Variants in AKNAD1 observed in about 807,000 individuals in gnomAD.
AKNAD1 encodes AKNA domain containing 1, also known as protein AKNAD1.
AKNAD1 carries 67 observed loss-of-function variants against 90.8 expected under a neutral mutation model. The observed-to-expected ratio is 0.74, with a 90% CI of 0.61 to 0.90. AKNAD1 has a LOEUF of 0.90. Among genes scored for constraint, AKNAD1 ranks in the 40% least tolerant of loss-of-function variants. The pLI, the probability that AKNAD1 is intolerant of heterozygous loss-of-function variation, is 0.00. For missense variants in AKNAD1, 957 were observed against 975.4 expected (o/e 0.98, Z 0.25); for synonymous variants, 327 against 341.4 (o/e 0.96, Z 0.46).
At position 108,830,548 on chromosome 1, in the gene AKNAD1, G is replaced by T; in HGVS notation, c.1838+11C>A. ...ATCCACCCTGGGAATGTAGCCACAA[G>T]AAGCCCTCACCATTCAAGGAGCCTG... is the stretch of plus-strand genomic sequence containing the variant. On this transcript the variant is annotated intron_variant, in intron 10 of 15. Coordinates refer to ENST00000370001, the MANE Select transcript of AKNAD1 (RefSeq NM_152763.5). 6.2e-7 allele frequency: 1 copy of T among 1,613,500 alleles called. No homozygotes were observed. The highest frequency in any genetic ancestry group is 8.5e-7 in the Non-Finnish European group (1 of 1,179,784).
chr1:108,832,000 T>C (rs1664214319), intron 9 of AKNAD1, among the ~76,000 whole-genome samples: 1 of 152,074 alleles, frequency 6.6e-6, no homozygotes, highest in Admixed American at 6.6e-5. Context: ...GTTTCAGTGT[T>C]TTCCTGTTAC....
intron 5 of AKNAD1, among the ~76,000 whole-genome samples, chr1:108,844,815 T>C (rs1225448490): frequency 7.4e-6 from 1 of 134,786 alleles, no homozygotes; most frequent in Non-Finnish European, 1.6e-5. Context: ...AGATTATTAA[T>C]TCTTTTTTTT....
chr1:108,825,239 C>T (rs1488689066), intron 11 of AKNAD1, among the ~76,000 whole-genome samples: 4 of 151,638 alleles, frequency 2.6e-5, no homozygotes, highest in Admixed American at 1.3e-4. Flanking sequence ...CTAAAGTGCT[C>T]CCAAATTCCT....
intron 6 of AKNAD1, among the ~76,000 whole-genome samples, chr1:108,840,413 G>A (rs1664516909): frequency 1.3e-5 from 2 of 152,136 alleles, no homozygotes; most frequent in Admixed American, 6.5e-5. Flanking sequence ...AAGAAAACGT[G>A]ATGGGAATAC....
At chr1:108,837,285 G>T (rs1664415033) in intron 7 of AKNAD1, 1 of 330,496 alleles carries the variant, frequency 3.0e-6, no homozygotes, top group Non-Finnish European at 5.4e-6. Context: ...TAATTTGGAA[G>T]AAATAGCTCT....
At chr1:108,839,444 G>T (rs1033737896) in intron 6 of AKNAD1, among the ~76,000 whole-genome samples, 1 of 116,840 alleles carries the variant, frequency 8.6e-6, no homozygotes, top group Non-Finnish European at 1.7e-5. Context: ...CTGCACTCCA[G>T]CCTGGAGGAG....
chr1:108,827,148 G>T, intron 11 of AKNAD1, 57 bp downstream of exon 11: 1 of 1,316,532 alleles, frequency 7.6e-7, no homozygotes, highest in South Asian at 1.2e-5. Context: ...ACTGCGAGCA[G>T]ACCCCATGGG....
Position 108,852,473 on chromosome 1 carries a change from A to G in AKNAD1, c.192T>C (p.Cys64=), listed in dbSNP as rs766501468. 1 of 1,613,800 alleles carries G rather than the reference A, an allele frequency of 6.2e-7. No individual in the cohort carries two copies. The highest frequency in any genetic ancestry group is 1.7e-5 in the Admixed American group (1 of 59,920). ...GGGGTATGGTCACAGCTGTATTTCC[A>G]CAAGTCTCACTATGCATAGCCTTCT... ...PQEKAMHSET[C]GNTAVTIPLG... The change falls in exon 2 of 16, where the codon TGT becomes TGC. Residue 64 remains cysteine, a synonymous_variant. Transcript: ENST00000370001.
rs1413454883 is a variant in AKNAD1, at chr1:108,830,790, A to G, written c.1747-140T>C. 3 of 732,442 alleles carry G rather than the reference A, an allele frequency of 4.1e-6. No individual in the cohort carries two copies. In the African/African-American group the frequency reaches 5.2e-5, roughly 13 times the overall value. 45.4% of individuals were successfully genotyped at this position (732,442 alleles called of 1,614,324 possible). A position where few individuals can be genotyped will look rare whatever the true frequency, so the allele number is the denominator to read the frequency against. On this transcript the variant is annotated intron_variant, in intron 9 of 15. Transcript: ENST00000370001. The stretch of plus-strand genomic sequence containing the variant: ...GAGAGACTCGCCAAACCTCTCCTCC[A>G]GTTGGGGAAAGGGAGGCGCAGGGGG...
chr1:108,822,350 G>A (rs1006235762), intron 13 of AKNAD1, among the ~76,000 whole-genome samples: 18 of 152,284 alleles, frequency 1.2e-4, no homozygotes, highest in Admixed American at 7.2e-4. Context: ...TTAGCTAATG[G>A]AGTTCAAGAT....
intron 10 of AKNAD1, among the ~76,000 whole-genome samples, chr1:108,829,955 T>G (rs1012396281): frequency 1.3e-5 from 2 of 152,186 alleles, no homozygotes; most frequent in South Asian, 2.1e-4. Context: ...AACAAAGGAT[T>G]TCTCCTGAGG....
At chr1:108,844,831 T>TA (rs1553203981) in intron 5 of AKNAD1, among the ~76,000 whole-genome samples, 2,862 of 151,310 alleles carry the variant, frequency 0.019, 82 homozygotes, top group African/African-American at 0.066. Flanking sequence ...TTTTTTTTTT[T>TA]AATTTAAGAC....
intron 11 of AKNAD1, among the ~76,000 whole-genome samples, chr1:108,826,801 A>T (rs1664011502): frequency 7.1e-6 from 1 of 140,086 alleles, no homozygotes; most frequent in African/African-American, 2.7e-5. Context: ...GTACGGTGGC[A>T]TGATCATGGC....
intron 7 of AKNAD1, 134 bp downstream of exon 7, chr1:108,837,411 ATAATT>A: frequency 1.2e-6 from 1 of 800,358 alleles, no homozygotes; most frequent in Non-Finnish European, 1.9e-6. Context: ...TTAAAATAAT[ATAATT>A]CATGGGACTT....
chr1:108,817,650 C>T (rs1453073704), intron 14 of AKNAD1, among the ~76,000 whole-genome samples: 3 of 151,240 alleles, frequency 2.0e-5, no homozygotes, highest in Non-Finnish European at 3.0e-5. Context: ...TACAGGCGCC[C>T]GCCACCACGC....
chr1:108,847,679 G>C (rs1399499774), intron 5 of AKNAD1, among the ~76,000 whole-genome samples: 1 of 151,858 alleles, frequency 6.6e-6, no homozygotes, highest in Non-Finnish European at 1.5e-5. Context: ...TCTTTTTCTA[G>C]AATACCCCTT....
Position 108,852,591 on chromosome 1 carries a change from TGA to T in AKNAD1, c.72_73del (p.Gln25AspfsTer2). 1 of 1,611,754 alleles carries T rather than the reference TGA, an allele frequency of 6.2e-7. No individual in the cohort carries two copies. Among genetic ancestry groups the T allele is most frequent in the Non-Finnish European group, 8.5e-7 (1 of 1,179,246 alleles). ...ACTGTAATCATTGCCTATCTTAATC[TGA>T]GAGAGGTCCCCATCATAAGGCAAAT... On this transcript the variant is annotated frameshift_variant, in exon 2 of 16. Coordinates refer to ENST00000370001, the MANE Select transcript of AKNAD1 (RefSeq NM_152763.5). LOFTEE classifies it high-confidence loss of function.
chr1:108,855,605 G>A (rs1665008190), intron 1 of AKNAD1, among the ~76,000 whole-genome samples: 1 of 151,564 alleles, frequency 6.6e-6, no homozygotes, highest in South Asian at 2.1e-4. Flanking sequence ...TGGCCAATGT[G>A]GCAAAACCCA....
rs1229009033 is a variant in AKNAD1 at position 108,846,333 on chromosome 1, G to A, written c.1245+2419C>T. Among the ~76,000 whole-genome samples, 3 of 152,112 alleles carry A rather than the reference G, an allele frequency of 2.0e-5. No homozygotes were observed. The East Asian group carries it at 5.8e-4, about 29-fold the overall frequency. On this transcript the variant is annotated intron_variant, in intron 5 of 15. Coordinates refer to ENST00000370001, the MANE Select transcript of AKNAD1 (RefSeq NM_152763.5). ...TGATAACATCAGGAAGAAACCTCCCGCATCCAGGCTTCCGAAGGCTCCTGA... is the reference window on the plus strand; with the variant it reads ...TGATAACATCAGGAAGAAACCTCCCACATCCAGGCTTCCGAAGGCTCCTGA...
Sources: allele counts gnomAD v4.1 joint callset (sites outside exome capture counted in the v4.1 genomes callset), GRCh38; gene constraint gnomAD v4.1.1; transcripts MANE v1.5; gene names NCBI Gene and HGNC (gene_info 2026-07-23, HGNC 2026-07-21).